The following MALT1 variants were observed in gnomAD, a reference collection of about 807,000 sequenced individuals.
MALT1 encodes MALT1 paracaspase, also known as mucosa-associated lymphoid tissue lymphoma translocation protein 1.
MALT1 carries 36 observed loss-of-function variants against 85.5 expected under a neutral mutation model. That is an observed-to-expected ratio of 0.42 (90% CI 0.32 to 0.56). MALT1 has a LOEUF of 0.56. MALT1 is among the 20% of genes least tolerant of loss of function. The pLI is 0.10. For missense variants in MALT1, 716 were observed against 981.6 expected (o/e 0.73, Z 3.62); for synonymous variants, 359 against 361.3 (o/e 0.99, Z 0.07).
intron 9 of MALT1, among the ~76,000 whole-genome samples, chr18:58,717,254 G>A (rs1042491204): frequency 4.0e-5 from 6 of 151,424 alleles, no homozygotes; most frequent in African/African-American, 1.5e-4. Flanking sequence ...TCCCAGCTAC[G>A]TAGGAGGCTG....
chr18:58,717,939 A>G (rs1157240167), intron 9 of MALT1, among the ~76,000 whole-genome samples: 1 of 152,180 alleles, frequency 6.6e-6, no homozygotes, highest in African/African-American at 2.4e-5. Flanking sequence ...CATATGTCTT[A>G]GGTACACAAA....
rs762659498 is a variant in MALT1 at position 58,709,984 on chromosome 18, T to C, written c.837T>C (p.Tyr279=). 8.1e-6 allele frequency: 13 copies of C among 1,602,094 alleles called. No individual in the cohort carries two copies. Among genetic ancestry groups the C allele is most frequent in the Admixed American group, 1.7e-5 (1 of 59,356 alleles). ...HETKKLYMVP[Y]VDLEHQGTYW... ...TTCTAATATTGATATAGGTGCCTTA[T>C]GTGGATTTGGAACACCAAGGAACCT... is the stretch of plus-strand genomic sequence containing the variant. The change falls in exon 6 of 17, where the codon TAT becomes TAC. Residue 279 remains tyrosine (Y), a synonymous_variant. Transcript: ENST00000649217.
rs2055476337 is a variant in MALT1 at position 58,753,627 on chromosome 18, GT to G, written c.*5786del. 1 of 152,104 alleles carries G rather than the reference GT, an allele frequency of 6.6e-6. No homozygotes were observed. Among genetic ancestry groups the G allele is most frequent in the South Asian group, 2.1e-4 (1 of 4,830 alleles). The allele number at this position is 152,104 out of a possible 1,614,324, so 9.4% of individuals were successfully genotyped here. ...TCTATCCCGCAAAACAGCTCTAAAG[GT>G]GATTTACTAAAAGATTAACAGCATT... On this transcript the variant is annotated 3_prime_UTR_variant, in exon 17 of 17. Coordinates refer to ENST00000649217, the MANE Select transcript of MALT1 (RefSeq NM_006785.4).
At chr18:58,688,641 T>G (rs915242371) in intron 2 of MALT1, among the ~76,000 whole-genome samples, 9 of 152,202 alleles carry the variant, frequency 5.9e-5, no homozygotes, top group African/African-American at 2.2e-4. Flanking sequence ...ATATGATCCC[T>G]TTCCAGTAGT....
chr18:58,714,034 T>G, intron 7 of MALT1, 49 bp from the exon 8 acceptor site: 1 of 889,468 alleles, frequency 1.1e-6, no homozygotes, highest in South Asian at 1.4e-5. Flanking sequence ...CTATTTGTGC[T>G]AAATTGGTGT....
intron 4 of MALT1, among the ~76,000 whole-genome samples, chr18:58,705,820 A>G (rs1256534649): frequency 6.6e-6 from 1 of 152,168 alleles, no homozygotes; most frequent in Non-Finnish European, 1.5e-5. Context: ...CATGATTTAT[A>G]GTCCTTTGGG....
chr18:58,706,736 G>A (rs1568137358), intron 4 of MALT1, among the ~76,000 whole-genome samples: 1 of 152,148 alleles, frequency 6.6e-6, no homozygotes, highest in Non-Finnish European at 1.5e-5. Flanking sequence ...GTCGTGTATA[G>A]AATTTTAGAG....
rs1410469634 is a variant in MALT1 at position 58,671,535 on chromosome 18, C to T, written c.-109C>T. On this transcript the variant is annotated 5_prime_UTR_variant, in exon 1 of 17. Coordinates refer to ENST00000649217, the MANE Select transcript of MALT1 (RefSeq NM_006785.4). ...GCCGTGCCGCGCTGCCAGATTTGTTCTTCCGCCCCTGCCTCCGCGGCTCGG... is the reference window on the plus strand; with the variant it reads ...GCCGTGCCGCGCTGCCAGATTTGTTTTTCCGCCCCTGCCTCCGCGGCTCGG... 6.0e-6 allele frequency: 4 copies of T among 669,390 alleles called. No homozygotes were observed. In the Admixed American group the frequency reaches 1.8e-4, roughly 31 times the overall value. The allele number at this position is 669,390 out of a possible 1,614,324, so 41.5% of individuals were successfully genotyped here.
At chr18:58,733,337 GT>G in intron 10 of MALT1, 59 bp from the exon 11 acceptor site, 1 of 1,116,294 alleles carries the variant, frequency 9.0e-7, no homozygotes. Context: ...TATGCAGTCT[GT>G]ATGTTCAGAG....
chr18:58,723,279 C>A, intron 10 of MALT1, 28 bp downstream of exon 10: 1 of 1,507,248 alleles, frequency 6.6e-7, no homozygotes, highest in Non-Finnish European at 9.2e-7. Context: ...TTTGTTTTTA[C>A]AATTATCCAT....
chr18:58,729,128 GA>G (rs961779945), intron 10 of MALT1, among the ~76,000 whole-genome samples: 4 of 152,210 alleles, frequency 2.6e-5, no homozygotes, highest in African/African-American at 9.6e-5. Flanking sequence ...TAGTCCAGAT[GA>G]AGGAGTATGC....
Position 58,741,992 on chromosome 18 carries a change from T to C in MALT1, c.1731T>C (p.Asn577=). ...TEYSAESLVR[N]LQWAKAHELP... Reference sequence around the variant, plus strand: ...ATTCTGCTGAATCTCTTGTGCGGAATCTACAGTGGGCCAAGGCTCATGGTA... The same window carrying C: ...ATTCTGCTGAATCTCTTGTGCGGAACCTACAGTGGGCCAAGGCTCATGGTA... The change falls in exon 14 of 17, where the codon AAT becomes AAC. Residue 577 remains asparagine (N), a synonymous_variant. Coordinates refer to ENST00000649217, the MANE Select transcript of MALT1 (RefSeq NM_006785.4). 1 of 1,540,498 alleles carries C rather than the reference T, an allele frequency of 6.5e-7. No individual in the cohort carries two copies.
chr18:58,685,669 G>C (rs2054390951), intron 2 of MALT1, among the ~76,000 whole-genome samples: 1 of 152,264 alleles, frequency 6.6e-6, no homozygotes, highest in South Asian at 2.1e-4. Context: ...ACTCTCTGTT[G>C]CTTTCTTTCT....
chr18:58,675,693 C>CT (rs2054229397), intron 1 of MALT1, among the ~76,000 whole-genome samples: 1 of 152,200 alleles, frequency 6.6e-6, no homozygotes. Flanking sequence ...GTCTCTAAAA[C>CT]AAATAAACTA....
chr18:58,705,548 C>T (rs1211682566), intron 4 of MALT1, among the ~76,000 whole-genome samples: 2 of 138,110 alleles, frequency 1.4e-5, no homozygotes, highest in Admixed American at 1.6e-4. Context: ...TTGTTCAATT[C>T]CCACCTATGA....
intron 2 of MALT1, among the ~76,000 whole-genome samples, chr18:58,695,650 A>C (rs993954635): frequency 9.9e-5 from 15 of 152,192 alleles, no homozygotes; most frequent in South Asian, 2.1e-4. Flanking sequence ...ACAGACATTT[A>C]TTTCTCACAG....
At chr18:58,738,907 CCTTGT>C (rs2055262861) in intron 13 of MALT1, among the ~76,000 whole-genome samples, 1 of 151,980 alleles carries the variant, frequency 6.6e-6, no homozygotes, top group Non-Finnish European at 1.5e-5. Flanking sequence ...TTGTGGGCAT[CCTTGT>C]CTTGTTTCTG....
At chr18:58,727,506 T>C (rs1379753084) in intron 10 of MALT1, among the ~76,000 whole-genome samples, 2 of 152,072 alleles carry the variant, frequency 1.3e-5, no homozygotes, top group African/African-American at 4.8e-5. Context: ...GGCTTCACTG[T>C]GTTAGCCAGG....
chr18:58,676,779 T>C (rs2054246394), intron 1 of MALT1, among the ~76,000 whole-genome samples: 1 of 152,212 alleles, frequency 6.6e-6, no homozygotes, highest in Non-Finnish European at 1.5e-5. Flanking sequence ...GAATTTTGTT[T>C]TGTTTGCTGC....
Sources: gnomAD v4.1 joint callset for allele counts (sites outside exome capture counted in the v4.1 genomes callset) on GRCh38, gnomAD v4.1.1 for gene constraint, MANE v1.5 for transcripts, NCBI Gene and HGNC (gene_info 2026-07-23, HGNC 2026-07-21) for gene names.